Variants in ACTR3C observed in about 807,000 individuals in gnomAD.
ACTR3C encodes the protein actin-related protein 3C.
ACTR3C carries 18 observed loss-of-function variants against 26.3 expected under a neutral mutation model. That is an observed-to-expected ratio of 0.68 (90% CI 0.47 to 1.01). The LOEUF (loss-of-function observed/expected upper bound fraction) is 1.01. ACTR3C is among the 50% of genes least tolerant of loss of function. ACTR3C has a pLI of 0.00. For missense variants in ACTR3C, 184 were observed against 250.7 expected (o/e 0.73, Z 1.80); for synonymous variants, 55 against 94.5 (o/e 0.58, Z 2.42).
At chr7:149,949,507 AT>A in the ACTR3C span, among the ~76,000 whole-genome samples, 1 of 147,974 alleles carries the variant, frequency 6.8e-6, no homozygotes, top group African/African-American at 2.7e-5. Flanking sequence ...GATAGATTCC[AT>A]TGAGACTTTT....
At chr7:150,072,897 G>A in the ACTR3C span, among the ~76,000 whole-genome samples, 1 of 151,930 alleles carries the variant, frequency 6.6e-6, no homozygotes, top group East Asian at 1.9e-4. Context: ...GGGGAAGAAG[G>A]GACAAACCAC....
chr7:150,029,723 T>C, the ACTR3C span, among the ~76,000 whole-genome samples: 9 of 151,994 alleles, frequency 5.9e-5, no homozygotes, highest in African/African-American at 2.2e-4. Context: ...TTAAAAAAAG[T>C]CATCTGAGGC....
downstream of ACTR3C, among the ~76,000 whole-genome samples, chr7:150,239,621 GA>G (rs1832072754): frequency 6.9e-6 from 1 of 144,986 alleles, no homozygotes; most frequent in Admixed American, 6.8e-5. Context: ...ATTACAGTTT[GA>G]AAAAAGTCAT....
chr7:150,065,976 G>A, the ACTR3C span, among the ~76,000 whole-genome samples: 674 of 151,932 alleles, frequency 4.4e-3, 5 homozygotes, highest in African/African-American at 0.016. Flanking sequence ...CTTGCACAGT[G>A]CCCAGATATC....
At chr7:150,109,218 A>G in the ACTR3C span, among the ~76,000 whole-genome samples, 39 of 152,034 alleles carry the variant, frequency 2.6e-4, no homozygotes, top group Middle Eastern at 6.8e-3. Flanking sequence ...TTTAGCTACA[A>G]ATACATTTCT....
the ACTR3C span, among the ~76,000 whole-genome samples, chr7:150,158,902 C>CGTGCGCACACACACGTGCACACACAT: frequency 5.2e-4 from 79 of 150,704 alleles, no homozygotes; most frequent in African/African-American, 1.9e-3. Flanking sequence ...AAGGCACACA[C>CGTGCGCACACACACGTGCACACACAT]GTGCGCACAC....
chr7:150,182,061 G>A, the ACTR3C span, among the ~76,000 whole-genome samples: 1 of 150,530 alleles, frequency 6.6e-6, no homozygotes, highest in African/African-American at 2.5e-5. Context: ...GGGGTTTGTG[G>A]CAGTCCATGA....
chr7:150,068,748 A>G, the ACTR3C span, among the ~76,000 whole-genome samples: 6 of 136,170 alleles, frequency 4.4e-5, no homozygotes, highest in East Asian at 2.1e-4. Flanking sequence ...GTGCCACTGC[A>G]CTCCAGCCTG....
chr7:149,933,955 T>C, the ACTR3C span, among the ~76,000 whole-genome samples: 2 of 150,740 alleles, frequency 1.3e-5, no homozygotes, highest in East Asian at 3.9e-4. Flanking sequence ...ATTCCAAGTG[T>C]AGAGTTCCAC....
chr7:150,034,778 G>T, the ACTR3C span, among the ~76,000 whole-genome samples: 4 of 151,412 alleles, frequency 2.6e-5, no homozygotes, highest in East Asian at 4.0e-4. Context: ...CTAAGCCAGG[G>T]GGGGAAGAGG....
At chr7:150,260,080 T>C (rs150780448) in intron 6 of ACTR3C, among the ~76,000 whole-genome samples, 2,502 of 152,360 alleles carry the variant, frequency 0.016, 64 homozygotes, top group African/African-American at 0.056. Context: ...TGTATTGGAA[T>C]GCAATCACCC....
At chr7:150,004,576 A>C in the ACTR3C span, 13 of 152,272 alleles carry the variant, frequency 8.5e-5, no homozygotes, top group African/African-American at 3.1e-4. Context: ...ATCGCCCCAC[A>C]ATTACTTGTT....
chr7:150,209,493 A>T, the ACTR3C span, among the ~76,000 whole-genome samples: 10 of 150,806 alleles, frequency 6.6e-5, no homozygotes, highest in Non-Finnish European at 7.4e-5. Context: ...ATTTTTATTT[A>T]TGATCCATTT....
intron 1 of ACTR3C, among the ~76,000 whole-genome samples, chr7:150,306,579 G>A (rs567638765): frequency 3.1e-4 from 47 of 152,354 alleles, no homozygotes; most frequent in Admixed American, 1.5e-3. Flanking sequence ...GGGTATGGTG[G>A]CTCATGCCTG....
chr7:149,985,752 T>C, the ACTR3C span, among the ~76,000 whole-genome samples: 4 of 152,184 alleles, frequency 2.6e-5, no homozygotes, highest in South Asian at 6.2e-4. Context: ...GCACAGCCCA[T>C]GGTACTTGTC....
chr7:150,301,615 C>T (rs912244549), intron 1 of ACTR3C, among the ~76,000 whole-genome samples: 2 of 152,006 alleles, frequency 1.3e-5, no homozygotes, highest in African/African-American at 4.8e-5. Flanking sequence ...ACAAAAGAAG[C>T]TTTCTATCTT....
chr7:150,193,955 AT>A, the ACTR3C span, among the ~76,000 whole-genome samples: 2,027 of 143,052 alleles, frequency 0.014, 25 homozygotes, highest in Middle Eastern at 0.028. Context: ...CTTTAAAAAA[AT>A]ATATATATAT....
At chr7:150,076,743 ATTGAATTTATTT>A in the ACTR3C span, 1 of 151,522 alleles carries the variant, frequency 6.6e-6, no homozygotes, top group African/African-American at 2.4e-5. Context: ...AATTCTAATA[ATTGAATTTATTT>A]TTAACAGAGA....
At chr7:149,920,540 T>C in the ACTR3C span, among the ~76,000 whole-genome samples, 1 of 152,010 alleles carries the variant, frequency 6.6e-6, no homozygotes, top group Non-Finnish European at 1.5e-5. Context: ...CTCCAACTCC[T>C]GGGCTCAAGC....
Sources: allele counts gnomAD v4.1 joint callset (sites outside exome capture counted in the v4.1 genomes callset), GRCh38; gene constraint gnomAD v4.1.1; transcripts MANE v1.5; gene names NCBI Gene and HGNC (gene_info 2026-07-23, HGNC 2026-07-21).